DNAH10: variants seen among roughly 807,000 people sequenced by gnomAD.
DNAH10 encodes axonemal beta dynein heavy chain 10.
Under a neutral mutation model 506.6 loss-of-function variants are expected in DNAH10, and 348 were observed. The ratio of observed to expected loss-of-function variants is 0.69; its 90% CI spans 0.63 to 0.75. The LOEUF is 0.75. Among genes scored for constraint, DNAH10 ranks in the 30% least tolerant of loss-of-function variants. The probability of loss-of-function intolerance (pLI) is 0.00; values close to 1 mark genes in which losing one functional copy is unlikely to be tolerated. For synonymous variants in DNAH10, 2,059 were observed against 2,198.6 expected, an observed-to-expected ratio of 0.94 and a Z score of 1.78; for missense variants, 5,179 against 5,787.1, an observed-to-expected ratio of 0.89 and a Z score of 3.41.
intron 51 of DNAH10, among the ~76,000 whole-genome samples, chr12:123,884,906 G>A (rs1952665579): frequency 6.6e-6 from 1 of 152,110 alleles, no homozygotes; most frequent in Non-Finnish European, 1.5e-5. Context: ...GCCTTTTAGT[G>A]TATACTTTTC....
intron 11 of DNAH10, among the ~76,000 whole-genome samples, chr12:123,792,132 A>G (rs1168132338): frequency 6.6e-6 from 1 of 152,238 alleles, no homozygotes. Flanking sequence ...TTTTAGTTAA[A>G]TTAATGACTA....
At chr12:123,888,757 T>G (rs1413886222) in intron 52 of DNAH10, among the ~76,000 whole-genome samples, 1 of 152,158 alleles carries the variant, frequency 6.6e-6, no homozygotes, top group Non-Finnish European at 1.5e-5. Flanking sequence ...AAGGGCACCT[T>G]GCTGGGAAGG....
Position 123,928,551 on chromosome 12 carries a change from G to A in DNAH10, c.12270G>A (p.Lys4090=), listed in dbSNP as rs769712143. The A allele has an allele frequency of 4.0e-5, 65 of 1,609,352 alleles. No individual in the cohort carries two copies. The African/African-American group carries it at 8.3e-4, about 21-fold the overall frequency. The change falls in exon 70 of 79, where the codon AAG becomes AAA. Residue 4090 remains lysine (K), a synonymous_variant. Coordinates refer to ENST00000673944, the MANE Select transcript of DNAH10 (RefSeq NM_001372106.1). The surrounding 1 kb of genome is among the most constrained non-coding windows in gnomAD (Gnocchi z 4.9). The part of the protein sequence containing the change: ...FRLWLTTDPT[K]GFPIGILQKS... ...TGTGGCTCACCACGGACCCCACCAAGGGCTTCCCCATTGGGATTCTGCAGA... is the reference window on the plus strand; with the variant it reads ...TGTGGCTCACCACGGACCCCACCAAAGGCTTCCCCATTGGGATTCTGCAGA...
chr12:123,847,887 T>A, intron 32 of DNAH10, 74 bp from the exon 33 acceptor site: 1 of 1,526,864 alleles, frequency 6.5e-7, no homozygotes, highest in South Asian at 1.3e-5. Context: ...ATAGTCACAG[T>A]GATGAATTTG....
At chr12:123,786,849 T>C (rs1240755492) in intron 9 of DNAH10, among the ~76,000 whole-genome samples, 2 of 152,072 alleles carry the variant, frequency 1.3e-5, no homozygotes, top group African/African-American at 4.8e-5. Context: ...AATATCTATA[T>C]AGATGAGGCC....
At chr12:123,932,480 A>ATTTTT (rs11372935) in intron 76 of DNAH10, 11 of 153,452 alleles carry the variant, frequency 7.2e-5, no homozygotes, top group African/African-American at 2.6e-4. Context: ...GGTGGTTACC[A>ATTTTT]TTTTTTTTTT....
At chr12:123,830,908 A>C (rs1960478586) in intron 26 of DNAH10, among the ~76,000 whole-genome samples, 1 of 152,112 alleles carries the variant, frequency 6.6e-6, no homozygotes, top group African/African-American at 2.4e-5. Flanking sequence ...GCACCATGGC[A>C]CTCCAGCCTG....
intron 19 of DNAH10, among the ~76,000 whole-genome samples, chr12:123,809,488 A>G (rs530920463): frequency 1.3e-5 from 2 of 152,136 alleles, no homozygotes; most frequent in African/African-American, 4.8e-5. Flanking sequence ...ATCTCTACCA[A>G]AACTAAAATT....
intron 26 of DNAH10, among the ~76,000 whole-genome samples, chr12:123,831,203 G>A (rs987085970): frequency 1.4e-5 from 2 of 145,890 alleles, no homozygotes; most frequent in South Asian, 2.1e-4. Flanking sequence ...CCCACTACCT[G>A]AAAATAATTA....
intron 51 of DNAH10, among the ~76,000 whole-genome samples, chr12:123,882,518 C>T (rs886905748): frequency 1.5e-4 from 23 of 152,138 alleles, no homozygotes; most frequent in African/African-American, 3.6e-4. Flanking sequence ...TTCGGCCGGG[C>T]GTGGTGGCTC....
At position 123,916,949 on chromosome 12, in the gene DNAH10, C is replaced by T. The variant is rs916376639; in HGVS notation, c.11002+213C>T. ...GTCATGAGTCACGCTGAGACGGGGC[C>T]GTGGGCTTATGTGTTCACACATGGG... On this transcript the variant is annotated intron_variant, in intron 63 of 78. Transcript: ENST00000673944. The surrounding 1 kb of genome is among the most constrained non-coding windows in gnomAD (Gnocchi z 4.6). Among the ~76,000 whole-genome samples the T allele has an allele frequency of 6.6e-6, 1 of 152,158 alleles. No homozygotes were observed. Among genetic ancestry groups the T allele is most frequent in the Non-Finnish European group, 1.5e-5 (1 of 68,042 alleles).
chr12:123,887,320 C>T lies in DNAH10; in HGVS notation c.8995+7C>T. On this transcript the variant is annotated splice_region_variant and intron_variant, in intron 52 of 78. Transcript: ENST00000673944. The stretch of plus-strand genomic sequence containing the variant: ...AACAACATGCTGACCTCAGGTACAG[C>T]CAAGGCTGGCGCCCGCTGTGGCCAA... 6.2e-7 allele frequency: 1 copy of T among 1,611,202 alleles called. No individual in the cohort carries two copies. The highest frequency in any genetic ancestry group is 8.5e-7 in the Non-Finnish European group (1 of 1,178,980).
At chr12:123,804,299 G>A (rs1270984562) in intron 17 of DNAH10, among the ~76,000 whole-genome samples, 1 of 152,134 alleles carries the variant, frequency 6.6e-6, no homozygotes, top group Non-Finnish European at 1.5e-5. Context: ...GCTGAGGCAG[G>A]CAGATCACAA....
rs1375211599 is a variant in DNAH10, at chr12:123,867,535, A to C, written c.7236A>C (p.Glu2412Asp). The change falls in exon 42 of 79, where the codon GAA becomes GAC. Residue 2412 changes from glutamate to aspartate, a missense_variant. Around this residue, in one of 3 missense-constraint regions of DNAH10, gnomAD observed 4,844 missense variants for 5,430.5 expected, o/e 0.89. Coordinates refer to ENST00000673944, the MANE Select transcript of DNAH10 (RefSeq NM_001372106.1). ...CCTATCTCATGGATGTGATAGTGGA[A>C]GGAATTGTGGATGGAAGACAAGCAG... ...YVPYLMDVIV[E>D]GIVDGRQAEK... 6.2e-7 allele frequency: 1 copy of C among 1,614,018 alleles called. No individual in the cohort carries two copies. Among genetic ancestry groups the C allele is most frequent in the Non-Finnish European group, 8.5e-7 (1 of 1,179,886 alleles).
Position 123,919,059 on chromosome 12 carries a change from T to G in DNAH10, c.11506+110T>G, listed in dbSNP as rs1268170352. On this transcript the variant is annotated intron_variant, in intron 65 of 78. Coordinates refer to ENST00000673944, the MANE Select transcript of DNAH10 (RefSeq NM_001372106.1). The surrounding 1 kb of genome is among the most constrained non-coding windows in gnomAD (Gnocchi z 4.9). ...GAAAGTTACCAAATAGCATTTTTTCTTTTTTCTTTCTTTCTTTCTTTTTCT... is the reference window on the plus strand; with the variant it reads ...GAAAGTTACCAAATAGCATTTTTTCGTTTTTCTTTCTTTCTTTCTTTTTCT... 7.4e-7 allele frequency: 1 copy of G among 1,348,942 alleles called. No homozygotes were observed. Among genetic ancestry groups the G allele is most frequent in the Non-Finnish European group, 9.9e-7 (1 of 1,013,684 alleles). The allele number at this position is 1,348,942 out of a possible 1,614,324, so 83.6% of individuals were successfully genotyped here. A position where few individuals can be genotyped will look rare whatever the true frequency, so the allele number is the denominator to read the frequency against.
chr12:123,898,835 G>C (rs1441462884), intron 56 of DNAH10, 21 bp downstream of exon 56: 3 of 1,585,848 alleles, frequency 1.9e-6, no homozygotes, highest in Admixed American at 1.7e-5. Context: ...GCGGGGCCAG[G>C]GCAGCCCATC....
At chr12:123,894,996 G>A (rs1482686988) in intron 54 of DNAH10, among the ~76,000 whole-genome samples, 1 of 152,160 alleles carries the variant, frequency 6.6e-6, no homozygotes, top group Non-Finnish European at 1.5e-5. Flanking sequence ...CTGTCTAGTT[G>A]GCCCCTTACT....
intron 45 of DNAH10, among the ~76,000 whole-genome samples, chr12:123,872,779 C>G (rs1392212348): frequency 1.3e-5 from 2 of 152,176 alleles, no homozygotes; most frequent in African/African-American, 2.4e-5. Context: ...CACCACTGCA[C>G]TCCAACCTGG....
chr12:123,848,220 C>T (rs1951032338), intron 33 of DNAH10, 125 bp downstream of exon 33: 1 of 1,356,836 alleles, frequency 7.4e-7, no homozygotes, highest in Non-Finnish European at 1.0e-6. Context: ...AACCTTCCAC[C>T]ACCACAGCCC....
Sources: gnomAD v4.1 joint callset for allele counts (sites outside exome capture counted in the v4.1 genomes callset) on GRCh38, gnomAD v4.1.1 for gene constraint, gnomAD v4.1.1 regional missense constraint, Gnocchi (gnomAD v3.1) non-coding constraint, MANE v1.5 for transcripts, NCBI Gene and HGNC (gene_info 2026-07-23, HGNC 2026-07-21) for gene names.